RBFOX1: variants seen among roughly 807,000 people sequenced by gnomAD.
RBFOX1 encodes RNA binding fox-1 homolog 1, also known as RNA binding protein fox-1 homolog 1.
Under a neutral mutation model 57.7 loss-of-function variants are expected in RBFOX1, and 8 were observed. That is an observed-to-expected ratio of 0.14 (90% CI 0.08 to 0.25). The LOEUF is 0.25. Among genes scored for constraint, RBFOX1 ranks in the 10% least tolerant of loss-of-function variants. The pLI is 1.00. For missense variants in RBFOX1, 611 were observed against 548.5 expected, an observed-to-expected ratio of 1.11 and a Z score of -1.14; for synonymous variants, 326 against 222.4, an observed-to-expected ratio of 1.47 and a Z score of -4.15.
chr16:6,898,769 A>G (rs1188432251), intron 3 of RBFOX1, among the ~76,000 whole-genome samples: 2 of 151,944 alleles, frequency 1.3e-5, no homozygotes, highest in Non-Finnish European at 2.9e-5. Flanking sequence ...ACGTGTATGC[A>G]CATGCATCTG....
At chr16:7,209,211 T>G (rs1316505238) in intron 4 of RBFOX1, among the ~76,000 whole-genome samples, 2 of 151,540 alleles carry the variant, frequency 1.3e-5, no homozygotes, top group African/African-American at 4.8e-5. Context: ...AGTGCATGCA[T>G]GTAATGCCAG....
At chr16:7,695,003 G>A (rs535147375) in intron 14 of RBFOX1, among the ~76,000 whole-genome samples, 13 of 151,966 alleles carry the variant, frequency 8.6e-5, no homozygotes, top group African/African-American at 3.1e-4. Flanking sequence ...TGCCTTATAA[G>A]CAAGTGATCC....
chr16:6,366,790 G>A (rs2089692382), intron 2 of RBFOX1, among the ~76,000 whole-genome samples: 1 of 152,168 alleles, frequency 6.6e-6, no homozygotes. Flanking sequence ...ATAAAGCAGA[G>A]CCAAAATTAG....
intron 4 of RBFOX1, among the ~76,000 whole-genome samples, chr16:7,383,154 G>A (rs1280334441): frequency 1.6e-4 from 25 of 151,974 alleles, no homozygotes; most frequent in Admixed American, 1.6e-3. Flanking sequence ...TCAAGAATGG[G>A]AAATTCTTGT....
intron 1 of RBFOX1, among the ~76,000 whole-genome samples, chr16:5,312,435 C>T (rs147881142): frequency 0.05 from 7,650 of 152,282 alleles, 608 homozygotes; most frequent in African/African-American, 0.17. Context: ...TCTCCTGCCT[C>T]AGCCTCCTGA....
At chr16:6,745,100 C>G (rs1049053324) in intron 3 of RBFOX1, among the ~76,000 whole-genome samples, 2 of 151,882 alleles carry the variant, frequency 1.3e-5, no homozygotes, top group Non-Finnish European at 2.9e-5. Flanking sequence ...GGGTAAATTC[C>G]TTGAAAGAGA....
chr16:5,447,963 C>T (rs2068301669), intron 1 of RBFOX1, among the ~76,000 whole-genome samples: 1 of 152,124 alleles, frequency 6.6e-6, no homozygotes, highest in Admixed American at 6.5e-5. Context: ...TGTTGATCAG[C>T]CAATGGAGTG....
chr16:6,193,801 C>G (rs570987497), intron 1 of RBFOX1, among the ~76,000 whole-genome samples: 1 of 152,150 alleles, frequency 6.6e-6, no homozygotes, highest in Non-Finnish European at 1.5e-5. Context: ...CTGCACATCC[C>G]TCCTTCCTTT....
intron 3 of RBFOX1, among the ~76,000 whole-genome samples, chr16:6,722,593 G>T (rs914456755): frequency 5.3e-5 from 8 of 152,138 alleles, no homozygotes; most frequent in African/African-American, 1.9e-4. Context: ...GACTTCTTTA[G>T]AATAATCAAG....
intron 4 of RBFOX1, among the ~76,000 whole-genome samples, chr16:5,875,195 T>C (rs1450251467): frequency 6.6e-6 from 1 of 152,214 alleles, no homozygotes; most frequent in Non-Finnish European, 1.5e-5. Flanking sequence ...CACTGCATTA[T>C]CTTTACAGCA....
intron 1 of RBFOX1, among the ~76,000 whole-genome samples, chr16:6,265,440 G>A (rs1173772123): frequency 6.6e-6 from 1 of 151,762 alleles, no homozygotes; most frequent in Non-Finnish European, 1.5e-5. Context: ...TTTTGTATTT[G>A]TAGTAGAGAC....
intron 4 of RBFOX1, among the ~76,000 whole-genome samples, chr16:7,264,033 C>G (rs548445777): frequency 1.3e-5 from 2 of 152,022 alleles, no homozygotes; most frequent in East Asian, 3.9e-4. Flanking sequence ...AAACCAACAC[C>G]CTTCAAGCTA....
At chr16:7,338,002 A>G (rs976478367) in intron 4 of RBFOX1, among the ~76,000 whole-genome samples, 3 of 152,068 alleles carry the variant, frequency 2.0e-5, no homozygotes, top group Admixed American at 6.6e-5. Context: ...TGAATGTTTA[A>G]TTTTCTGGGT....
chr16:6,015,628 T>G (rs886474680), upstream of RBFOX1, among the ~76,000 whole-genome samples: 1 of 152,212 alleles, frequency 6.6e-6, no homozygotes, highest in African/African-American at 2.4e-5. Context: ...GATTTGCTGT[T>G]CCTAGAAGGA....
intron 4 of RBFOX1, among the ~76,000 whole-genome samples, chr16:7,078,764 C>T (rs911400824): frequency 1.1e-4 from 16 of 150,454 alleles, no homozygotes; most frequent in Non-Finnish European, 1.5e-4. Context: ...CTCACTGCAA[C>T]CTCCACTTCC....
At chr16:6,144,376 A>C (rs1009263218) in intron 1 of RBFOX1, among the ~76,000 whole-genome samples, 1 of 152,202 alleles carries the variant, frequency 6.6e-6, no homozygotes, top group African/African-American at 2.4e-5. Flanking sequence ...GAGATCTAAC[A>C]CATCATTCTC....
intron 4 of RBFOX1, among the ~76,000 whole-genome samples, chr16:7,460,409 GTGTGTGTGTA>G (rs1341553052): frequency 4.0e-5 from 3 of 75,686 alleles, no homozygotes; most frequent in Admixed American, 1.5e-4. Flanking sequence ...GTGTGTGTGT[GTGTGTGTGTA>G]TATACATATG....
intron 2 of RBFOX1, among the ~76,000 whole-genome samples, chr16:6,494,880 A>G (rs1328759530): frequency 2.6e-5 from 4 of 152,206 alleles, no homozygotes; most frequent in Non-Finnish European, 5.9e-5. Flanking sequence ...GCATTTATGT[A>G]GCATCCACCA....
chr16:5,778,218 A>G (rs74006284), intron 3 of RBFOX1, among the ~76,000 whole-genome samples: 3,527 of 152,292 alleles, frequency 0.023, 134 homozygotes, highest in African/African-American at 0.079. Context: ...TTACGGTGCC[A>G]GAATCATCCA....
Sources: allele counts gnomAD v4.1 joint callset (sites outside exome capture counted in the v4.1 genomes callset), GRCh38; gene constraint gnomAD v4.1.1; transcripts MANE v1.5; gene names NCBI Gene and HGNC (gene_info 2026-07-23, HGNC 2026-07-21).